The following C9orf43 variants were observed in gnomAD, a reference collection of about 807,000 sequenced individuals.
C9orf43 encodes the protein uncharacterized protein C9orf43.
Under a neutral mutation model 59.1 loss-of-function variants are expected in C9orf43, and 45 were observed. The ratio of observed to expected loss-of-function variants is 0.76; its 90% CI spans 0.60 to 0.98. C9orf43 has a LOEUF of 0.98. Ranked by LOEUF, C9orf43 falls within the 50% of genes least tolerant of loss-of-function variation. The pLI is 0.00. For synonymous variants in C9orf43, 203 were observed against 196.8 expected, an observed-to-expected ratio of 1.03 and a Z score of -0.26; for missense variants, 533 against 554.9, an observed-to-expected ratio of 0.96 and a Z score of 0.40.
chr9:113,427,018 G>T (rs1828816872), intron 11 of C9orf43, among the ~76,000 whole-genome samples: 1 of 152,198 alleles, frequency 6.6e-6, no homozygotes, highest in South Asian at 2.1e-4. Context: ...GCAGTTGAGT[G>T]TGGTTGTGGG....
intron 4 of C9orf43, among the ~76,000 whole-genome samples, chr9:113,419,746 A>G (rs1828498127): frequency 6.6e-6 from 1 of 152,164 alleles, no homozygotes; most frequent in South Asian, 2.1e-4. Flanking sequence ...AGAACACTAT[A>G]ATGGTTTGAT....
In C9orf43 at chr9:113,424,167, CTT is replaced by C. The variant is rs1828692990; in HGVS notation, c.661_662del (p.Leu221AlafsTer31). 6.2e-7 allele frequency: 1 copy of C among 1,605,244 alleles called. No individual in the cohort carries two copies. Among genetic ancestry groups the C allele is most frequent in the South Asian group, 1.1e-5 (1 of 89,322 alleles). On this transcript the variant is annotated frameshift_variant and splice_region_variant, in exon 8 of 14. Transcript: ENST00000374165. LOFTEE classifies it high-confidence loss of function. ...EALPQDLLKE[L>X]LPGGKQTMLC... The stretch of plus-strand genomic sequence containing the variant: ...CTGGCTGTCCTCTGTCCCCTTCAGA[CTT>C]TTGCCAGGTGGAAAGCAAACCATGC...
intron 12 of C9orf43, 108 bp from the exon 13 acceptor site, chr9:113,428,792 C>T: frequency 1.0e-6 from 1 of 968,294 alleles, no homozygotes. Context: ...AGGTGGGTCT[C>T]TGGCTCATCT....
At position 113,416,682 on chromosome 9, in the gene C9orf43, G is replaced by T. The variant is rs928653908; in HGVS notation, c.288-2426G>T. On this transcript the variant is annotated intron_variant, in intron 3 of 13. Transcript: ENST00000374165. ...GTAGAACACTTTTTCTCTTAACTAG[G>T]TTTTTTTTTTTGTTCTTTTGTTTTT... is the stretch of plus-strand genomic sequence containing the variant. Among the ~76,000 whole-genome samples, 4 of 146,164 alleles carry T rather than the reference G, an allele frequency of 2.7e-5. 1 individual carries two copies. Among genetic ancestry groups the T allele is most frequent in the African/African-American group, 5.0e-5 (2 of 40,028 alleles).
intron 1 of C9orf43, among the ~76,000 whole-genome samples, chr9:113,411,701 C>T (rs1327079101): frequency 6.6e-6 from 1 of 151,768 alleles, no homozygotes; most frequent in Non-Finnish European, 1.5e-5. Context: ...AATTTCTTGA[C>T]AGGGTCTCAC....
At chr9:113,424,827 T>C (rs1382788159) in intron 8 of C9orf43, among the ~76,000 whole-genome samples, 192 bp from the exon 9 acceptor site, 1 of 152,106 alleles carries the variant, frequency 6.6e-6, no homozygotes, top group Non-Finnish European at 1.5e-5. Context: ...TGCCTGGCCA[T>C]GTTCTCTATT....
At chr9:113,422,087 A>G (rs1828594597) in intron 5 of C9orf43, among the ~76,000 whole-genome samples, 1 of 152,168 alleles carries the variant, frequency 6.6e-6, no homozygotes, top group Non-Finnish European at 1.5e-5. Flanking sequence ...TCCACGTCCC[A>G]GGCAAGGAGG....
chr9:113,427,199 C>A (rs571456913), intron 11 of C9orf43, among the ~76,000 whole-genome samples: 1 of 152,086 alleles, frequency 6.6e-6, no homozygotes, highest in East Asian at 1.9e-4. Context: ...GACGGAGTTT[C>A]GCTCTTGTTG....
Position 113,425,742 on chromosome 9 carries a change from A to G in C9orf43, c.1030+12A>G. 1 of 1,604,612 alleles carries G rather than the reference A, an allele frequency of 6.2e-7. No homozygotes were observed. Among genetic ancestry groups the G allele is most frequent in the Non-Finnish European group, 8.5e-7 (1 of 1,171,394 alleles). ...TGACCGTCTCTATGGTAAGGGGAAT[A>G]TATGCTTGGTTGGGGGTGATAGGAT... On this transcript the variant is annotated intron_variant, in intron 11 of 13. Transcript: ENST00000374165.
intron 4 of C9orf43, among the ~76,000 whole-genome samples, chr9:113,420,058 G>A (rs920422448): frequency 7.2e-5 from 11 of 151,998 alleles, no homozygotes; most frequent in African/African-American, 2.7e-4. Flanking sequence ...GACTTCTTTA[G>A]AACAAGAGGA....
chr9:113,412,805 A>G (rs1305548500), intron 1 of C9orf43, among the ~76,000 whole-genome samples: 1 of 152,220 alleles, frequency 6.6e-6, no homozygotes, highest in Non-Finnish European at 1.5e-5. Context: ...ACCCTTGTCA[A>G]AGGCCATATG....
chr9:113,421,137 C>T lies in C9orf43; in HGVS notation c.380C>T (p.Pro127Leu), dbSNP rs531818263. 3.1e-6 allele frequency: 5 copies of T among 1,613,686 alleles called. No homozygotes were observed. Among genetic ancestry groups the T allele is most frequent in the Non-Finnish European group, 4.2e-6 (5 of 1,179,812 alleles). The change falls in exon 5 of 14, where the codon CCC (proline) becomes CTC (leucine). Residue 127 changes from proline (P) to leucine (L), a missense_variant. By Grantham distance (98) the Pro-to-Leu change is moderately conservative (BLOSUM62 -3). Transcript: ENST00000374165. ...PVLNLNETQL[P>L]CPEDVRNMVV... ...TTGAATTTGAATGAGACGCAACTTC[C>T]CTGCCCTGAAGATGTTAGAAATATG... is the stretch of plus-strand genomic sequence containing the variant.
chr9:113,413,871 G>C lies in C9orf43; in HGVS notation c.264G>C (p.Lys88Asn), dbSNP rs770309069. ...ATTCTTTATTGTCTCAGAGTTCAAA[G>C]TTTTACTCCAAATTTCATGGCAGGT... ...KAHSLLSQSS[K>N]FYSKFHGRPP... Residue 88 changes from lysine to asparagine, a missense_variant, in exon 3 of 14, where the codon AAG becomes AAC. Physicochemically the swap from Lys to Asn is moderately conservative, Grantham distance 94 (BLOSUM62 0). Coordinates refer to ENST00000374165, the MANE Select transcript of C9orf43 (RefSeq NM_001278629.2). 1 of 1,610,158 alleles carries C rather than the reference G, an allele frequency of 6.2e-7. No individual in the cohort carries two copies. The highest frequency in any genetic ancestry group is 8.5e-7 in the Non-Finnish European group (1 of 1,179,066).
At chr9:113,420,048 G>C (rs1828509044) in intron 4 of C9orf43, among the ~76,000 whole-genome samples, 1 of 152,044 alleles carries the variant, frequency 6.6e-6, no homozygotes, top group African/African-American at 2.4e-5. Flanking sequence ...TTACCTCTTT[G>C]ACTTCTTTAG....
intron 12 of C9orf43, 24 bp downstream of exon 12, chr9:113,428,247 C>A: frequency 1.2e-6 from 2 of 1,604,876 alleles, no homozygotes; most frequent in Non-Finnish European, 1.7e-6. Flanking sequence ...AAGGCCTCTG[C>A]TAGGACCCAG....
chr9:113,424,919 T>G lies in C9orf43; in HGVS notation c.808-100T>G, dbSNP rs936583231. Reference sequence around the variant, plus strand: ...GCTGCAAAACACTGGGTTCTTAAAATGTGCTTGTTGACTGGATGAATAAAC... The same window carrying G: ...GCTGCAAAACACTGGGTTCTTAAAAGGTGCTTGTTGACTGGATGAATAAAC... On this transcript the variant is annotated intron_variant, in intron 8 of 13. Coordinates refer to ENST00000374165, the MANE Select transcript of C9orf43 (RefSeq NM_001278629.2). 5.0e-6 allele frequency: 5 copies of G among 1,005,876 alleles called. No homozygotes were observed. The East Asian group carries it at 9.9e-5, about 20-fold the overall frequency. 62.3% of individuals were successfully genotyped at this position (1,005,876 alleles called of 1,614,324 possible). A position where few individuals can be genotyped will look rare whatever the true frequency, so the allele number is the denominator to read the frequency against.
chr9:113,423,485 G>T lies in C9orf43; in HGVS notation c.643G>T (p.Asp215Tyr). 1.2e-6 allele frequency: 2 copies of T among 1,613,434 alleles called. No individual in the cohort carries two copies. The highest frequency in any genetic ancestry group is 1.7e-6 in the Non-Finnish European group (2 of 1,179,482). ...GGCTCAATCCGAAGCGTTACCTCAG[G>T]ATCTACTGAAGGAGTAAGTATCATG... ...LWAQSEALPQDLLKELLPGGK... is the reference protein window; with the variant it reads ...LWAQSEALPQYLLKELLPGGK... Residue 215 changes from aspartate to tyrosine, a missense_variant, in exon 7 of 14, where the codon GAT (aspartate) becomes TAT (tyrosine). Physicochemically the swap from Asp to Tyr is radical, Grantham distance 160. Coordinates refer to ENST00000374165, the MANE Select transcript of C9orf43 (RefSeq NM_001278629.2).
intron 12 of C9orf43, 105 bp from the exon 13 acceptor site, chr9:113,428,795 G>A: frequency 1.0e-6 from 1 of 994,070 alleles, no homozygotes; most frequent in Admixed American, 1.8e-5. Flanking sequence ...TGGGTCTCTG[G>A]CTCATCTTAG....
chr9:113,420,625 T>G (rs1377942079), intron 4 of C9orf43: 1 of 283,784 alleles, frequency 3.5e-6, no homozygotes, highest in Non-Finnish European at 5.3e-6. Context: ...CCTAAATAGC[T>G]AAATGTGAGA....
Sources: gnomAD v4.1 joint callset for allele counts (sites outside exome capture counted in the v4.1 genomes callset) on GRCh38, gnomAD v4.1.1 for gene constraint, MANE v1.5 for transcripts, NCBI Gene and HGNC (gene_info 2026-07-23, HGNC 2026-07-21) for gene names.